HDAC9: variants seen among roughly 807,000 people sequenced by gnomAD.
The protein encoded by HDAC9 is histone deacetylase 9, also known as MEF-2 interacting transcription repressor (MITR) protein.
In HDAC9, 41 loss-of-function variants were observed where a neutral mutation model predicts 139.4. The observed-to-expected ratio is 0.29, with a 90% CI of 0.23 to 0.38. The LOEUF (loss-of-function observed/expected upper bound fraction) is 0.38. Ranked by LOEUF, HDAC9 falls within the 10% of genes least tolerant of loss-of-function variation. HDAC9 has a pLI of 1.00. For synonymous variants in HDAC9, 517 were observed against 476.2 expected, an observed-to-expected ratio of 1.09 and a Z score of -1.12; for missense variants, 1,147 against 1,297.0, an observed-to-expected ratio of 0.88 and a Z score of 1.78.
chr7:18,762,890 A>G (rs1396106865), intron 15 of HDAC9, among the ~76,000 whole-genome samples: 1 of 152,208 alleles, frequency 6.6e-6, no homozygotes, highest in Non-Finnish European at 1.5e-5. Flanking sequence ...AATAAAATTT[A>G]TATTGCAGAA....
chr7:18,133,966 C>T (rs1785210516), intron 1 of HDAC9, among the ~76,000 whole-genome samples: 2 of 150,012 alleles, frequency 1.3e-5, no homozygotes, highest in South Asian at 4.2e-4. Flanking sequence ...ACATCTCTAG[C>T]CTTTCATCCA....
At chr7:18,843,491 A>G (rs2129217356) in intron 21 of HDAC9, among the ~76,000 whole-genome samples, 1 of 152,248 alleles carries the variant, frequency 6.6e-6, no homozygotes, top group South Asian at 2.1e-4. Context: ...GGTAAACATA[A>G]TTAATAAATT....
intron 25 of HDAC9, 96 bp from the exon 26 acceptor site, chr7:18,995,927 G>A: frequency 3.5e-6 from 3 of 849,130 alleles, no homozygotes; most frequent in Non-Finnish European, 5.7e-6. Context: ...ATAAACATCA[G>A]AGAGAGCTGA....
At chr7:18,799,190 A>G (rs1047445855) in intron 17 of HDAC9, among the ~76,000 whole-genome samples, 1 of 152,186 alleles carries the variant, frequency 6.6e-6, no homozygotes, top group Non-Finnish European at 1.5e-5. Flanking sequence ...TAACAATGCA[A>G]AGACTTCAGT....
chr7:18,832,459 G>A (rs905481320), intron 19 of HDAC9, among the ~76,000 whole-genome samples: 1 of 152,136 alleles, frequency 6.6e-6, no homozygotes, highest in Non-Finnish European at 1.5e-5. Flanking sequence ...TCCTTGTACA[G>A]CATCAATGTT....
At chr7:18,713,595 T>C (rs1784497664) in intron 12 of HDAC9, among the ~76,000 whole-genome samples, 2 of 152,120 alleles carry the variant, frequency 1.3e-5, no homozygotes, top group South Asian at 4.1e-4. Context: ...ATTTGTCTTG[T>C]CATCCTCATA....
At chr7:18,987,754 T>C (rs1018652363) in intron 25 of HDAC9, among the ~76,000 whole-genome samples, 1 of 152,132 alleles carries the variant, frequency 6.6e-6, no homozygotes, top group Non-Finnish European at 1.5e-5. Flanking sequence ...CTCCTGTTAT[T>C]GGTCTATTCA....
chr7:18,119,285 C>G (rs1784213664), intron 1 of HDAC9, among the ~76,000 whole-genome samples: 1 of 152,114 alleles, frequency 6.6e-6, no homozygotes, highest in Non-Finnish European at 1.5e-5. Flanking sequence ...GCCTGTAATA[C>G]TAAATAGTCT....
At chr7:18,862,105 A>C (rs1230073742) in intron 21 of HDAC9, among the ~76,000 whole-genome samples, 1 of 152,172 alleles carries the variant, frequency 6.6e-6, no homozygotes. Context: ...TTGCAGTGAA[A>C]TAGTTTGCTC....
At chr7:18,708,666 G>A (rs1784119070) in intron 12 of HDAC9, among the ~76,000 whole-genome samples, 1 of 152,156 alleles carries the variant, frequency 6.6e-6, no homozygotes, top group African/African-American at 2.4e-5. Flanking sequence ...GGGAGTGAGA[G>A]AACTTGAATG....
rs28421316 is a variant in HDAC9, at chr7:18,710,926, G to A, written c.1732-16654G>A. Among the ~76,000 whole-genome samples, 1,068 of 152,260 alleles carry A rather than the reference G, an allele frequency of 7.0e-3. 15 individuals are homozygous for A. The highest frequency in any genetic ancestry group is 0.025 in the African/African-American group (1,018 of 41,536). On this transcript the variant is annotated intron_variant, in intron 12 of 25. Coordinates refer to ENST00000686413, the MANE Select transcript of HDAC9 (RefSeq NM_178425.4). Reference sequence around the variant, plus strand: ...AATAAATATAGATTTTAAACTAACAGTCACAAAGGATATCATACATTTCAA... The same window carrying A: ...AATAAATATAGATTTTAAACTAACAATCACAAAGGATATCATACATTTCAA...
intron 1 of HDAC9, among the ~76,000 whole-genome samples, chr7:18,409,944 G>T (rs561347173): frequency 2.6e-5 from 4 of 152,262 alleles, no homozygotes; most frequent in African/African-American, 9.6e-5. Flanking sequence ...CTTTAACTAA[G>T]AAAAGGGTAG....
chr7:18,109,310 G>A (rs545794547), intron 1 of HDAC9, among the ~76,000 whole-genome samples: 6 of 152,314 alleles, frequency 3.9e-5, no homozygotes, highest in African/African-American at 1.4e-4. Context: ...ATTGTTGTAA[G>A]GATATCTTGT....
rs556092173 is a variant in HDAC9 at position 18,973,799 on chromosome 7, A to G, written c.3023-2007A>G. 5.3e-5 allele frequency among the ~76,000 whole-genome samples: 8 copies of G among 152,248 alleles called. No individual in the cohort carries two copies. In the South Asian group the frequency reaches 1.7e-3, roughly 32 times the overall value. On this transcript the variant is annotated intron_variant, in intron 24 of 25. Transcript: ENST00000686413. Reference sequence around the variant, plus strand: ...TTTCGATTCTGTTACTTCGTTTTGGATTAGACATCATGGTTTCCCACTTGG... The same window carrying G: ...TTTCGATTCTGTTACTTCGTTTTGGGTTAGACATCATGGTTTCCCACTTGG...
At chr7:18,443,825 T>C (rs1254151766) in intron 1 of HDAC9, among the ~76,000 whole-genome samples, 1 of 151,794 alleles carries the variant, frequency 6.6e-6, no homozygotes, top group African/African-American at 2.4e-5. Context: ...CATATATATA[T>C]ACACATTTGT....
intron 24 of HDAC9, among the ~76,000 whole-genome samples, chr7:18,959,475 A>T (rs757005028): frequency 3.3e-5 from 5 of 152,178 alleles, no homozygotes; most frequent in African/African-American, 4.8e-5. Flanking sequence ...AAACATATAC[A>T]TGCACAAGGA....
At chr7:18,653,322 G>C (rs181609135) in intron 11 of HDAC9, among the ~76,000 whole-genome samples, 13 of 151,384 alleles carry the variant, frequency 8.6e-5, no homozygotes, top group East Asian at 5.8e-4. Context: ...TATCTTTAAG[G>C]AAATAAAATT....
intron 1 of HDAC9, among the ~76,000 whole-genome samples, chr7:18,422,041 A>G (rs540369073): frequency 1.1e-4 from 17 of 152,302 alleles, no homozygotes; most frequent in Admixed American, 4.6e-4. Flanking sequence ...CTGTGCCTAA[A>G]TGTAGATCCT....
chr7:18,709,850 C>G (rs1229419738), intron 12 of HDAC9, among the ~76,000 whole-genome samples: 2 of 152,190 alleles, frequency 1.3e-5, no homozygotes, highest in Admixed American at 1.3e-4. Context: ...CCCTGTGATT[C>G]TATGCTTCAC....
Sources: allele counts gnomAD v4.1 joint callset (sites outside exome capture counted in the v4.1 genomes callset), GRCh38; gene constraint gnomAD v4.1.1; transcripts MANE v1.5; gene names NCBI Gene and HGNC (gene_info 2026-07-23, HGNC 2026-07-21).